The following ZNF385C variants were observed in gnomAD, a reference collection of about 807,000 sequenced individuals.
The protein encoded by ZNF385C is CTD-2132N18.2.
Under a neutral mutation model 35.4 loss-of-function variants are expected in ZNF385C, and 28 were observed. That is an observed-to-expected ratio of 0.79 (90% CI 0.59 to 1.08). ZNF385C has a LOEUF of 1.08. Ranked by LOEUF, ZNF385C falls within the 50% of genes least tolerant of loss-of-function variation. The pLI is 0.00. For synonymous variants in ZNF385C, 248 were observed against 248.2 expected (o/e 1.00, Z 0.01); for missense variants, 605 against 595.6 (o/e 1.02, Z -0.16).
intron 2 of ZNF385C, among the ~76,000 whole-genome samples, chr17:42,059,687 T>C (rs1383091699): frequency 1.3e-5 from 2 of 152,190 alleles, no homozygotes; most frequent in Non-Finnish European, 2.9e-5. Context: ...AGTGGTGCGA[T>C]CTCAGCTCAC....
chr17:42,092,738 T>C (rs1210391985), intron 1 of ZNF385C, among the ~76,000 whole-genome samples: 1 of 152,166 alleles, frequency 6.6e-6, no homozygotes, highest in Non-Finnish European at 1.5e-5. Flanking sequence ...TGGCATTTCC[T>C]CTCCTCTCAG....
intron 1 of ZNF385C, among the ~76,000 whole-genome samples, chr17:42,075,745 T>C (rs1182370330): frequency 6.6e-6 from 1 of 152,104 alleles, no homozygotes; most frequent in African/African-American, 2.4e-5. Context: ...CCACCTGCCT[T>C]GGCCTCTCAA....
At position 42,053,636 on chromosome 17, in the gene ZNF385C, C is replaced by T. The variant is rs551660623; in HGVS notation, c.250+9171G>A. Reference sequence around the variant, plus strand: ...CCAGCATTCCTACCCTTTCTTTCACCTTTGTTCTCGGCCAGAGTGGGGGCT... The same window carrying T: ...CCAGCATTCCTACCCTTTCTTTCACTTTTGTTCTCGGCCAGAGTGGGGGCT... On this transcript the variant is annotated intron_variant, in intron 2 of 8. Transcript: ENST00000692273. 3.9e-5 allele frequency among the ~76,000 whole-genome samples: 6 copies of T among 152,308 alleles called. No individual in the cohort carries two copies. In the South Asian group the frequency reaches 8.3e-4, roughly 21 times the overall value.
chr17:42,076,741 G>C (rs1300486900), intron 1 of ZNF385C, among the ~76,000 whole-genome samples: 1 of 152,224 alleles, frequency 6.6e-6, no homozygotes, highest in Non-Finnish European at 1.5e-5. Context: ...TGACTCCAAA[G>C]CATAGGGTGT....
chr17:42,028,497 G>C, intron 6 of ZNF385C: 1 of 584,226 alleles, frequency 1.7e-6, no homozygotes, highest in South Asian at 2.4e-5. Flanking sequence ...CTTTCCTTCT[G>C]GGTGTAATCT....
At chr17:42,091,386 C>T (rs577294718) in intron 1 of ZNF385C, among the ~76,000 whole-genome samples, 2 of 152,246 alleles carry the variant, frequency 1.3e-5, no homozygotes, top group Admixed American at 6.5e-5. Flanking sequence ...GCGGAGGCTG[C>T]GGTGAGCTGT....
intron 4 of ZNF385C, 77 bp downstream of exon 4, chr17:42,034,148 G>T: frequency 8.6e-7 from 1 of 1,163,314 alleles, no homozygotes; most frequent in Non-Finnish European, 1.3e-6. Flanking sequence ...CCTCCCAGAA[G>T]GACTCTGAAA....
intron 1 of ZNF385C, among the ~76,000 whole-genome samples, chr17:42,069,073 A>G (rs2053587758): frequency 6.6e-6 from 1 of 152,218 alleles, no homozygotes; most frequent in South Asian, 2.1e-4. Flanking sequence ...GGATTTCTAC[A>G]GGAAGCTGGT....
Position 42,028,036 on chromosome 17 carries a change from C to A in ZNF385C, c.1164+14G>T. The A allele has an allele frequency of 6.2e-7, 1 of 1,613,574 alleles. No individual in the cohort carries two copies. The highest frequency in any genetic ancestry group is 8.5e-7 in the Non-Finnish European group (1 of 1,179,718). On this transcript the variant is annotated intron_variant, in intron 7 of 8. Coordinates refer to ENST00000692273, the MANE Select transcript of ZNF385C (RefSeq NM_001392013.1). ...CCCTGGCTCCAACCCCAGTCACAGC[C>A]TCACTTCTCCCACCTGCTTCAGTTG...
At position 42,064,119 on chromosome 17, in the gene ZNF385C, CTTT is replaced by C. The variant is rs1555658292; in HGVS notation, c.-2-1064_-2-1062del. On this transcript the variant is annotated intron_variant, in intron 1 of 8. Transcript: ENST00000692273. ...ACACACACACACACACACACACACA[CTTT>C]CTGTCTCTTCGGGACCCTCAAGTGG... 9.4e-5 allele frequency among the ~76,000 whole-genome samples: 14 copies of C among 148,308 alleles called. No individual in the cohort carries two copies. The South Asian group carries it at 1.3e-3, about 14-fold the overall frequency.
chr17:42,080,508 C>G (rs1349779965), intron 1 of ZNF385C, among the ~76,000 whole-genome samples: 1 of 152,202 alleles, frequency 6.6e-6, no homozygotes, highest in Non-Finnish European at 1.5e-5. Context: ...CCATCCTAAC[C>G]TCACAAGGAT....
chr17:42,028,012 C>T (rs782286924), intron 7 of ZNF385C, 38 bp downstream of exon 7: 2 of 1,606,100 alleles, frequency 1.2e-6, no homozygotes, highest in Admixed American at 3.4e-5. Flanking sequence ...AACCCCCTCC[C>T]CTGGCTCCAA....
chr17:42,091,848 A>C (rs782251216), intron 1 of ZNF385C, among the ~76,000 whole-genome samples: 1 of 151,630 alleles, frequency 6.6e-6, no homozygotes, highest in Non-Finnish European at 1.5e-5. Context: ...CCCTATATTC[A>C]CCTCCCAGCC....
intron 1 of ZNF385C, among the ~76,000 whole-genome samples, chr17:42,063,603 T>C (rs1435033776): frequency 6.6e-6 from 1 of 151,986 alleles, no homozygotes; most frequent in Non-Finnish European, 1.5e-5. Context: ...GTGTCCGACA[T>C]GTCTACACAC....
chr17:42,028,822 T>A lies in ZNF385C; in HGVS notation c.928A>T (p.Thr310Ser), dbSNP rs1555654639. Reference protein sequence around the residue: ...GHLYCPTCKVTVNSASQLQAH... With the variant: ...GHLYCPTCKVSVNSASQLQAH... ...TGAAGCTGGGAGGCCGAGTTCACTG[T>A]CACCTTACACGTGGGGCAGTAGAGG... is the stretch of plus-strand genomic sequence containing the variant. Residue 310 changes from threonine (T) to serine (S), a missense_variant, in exon 6 of 9, where the codon ACA becomes TCA. By Grantham distance (58) the Thr-to-Ser change is moderately conservative (BLOSUM62 1). Coordinates refer to ENST00000692273, the MANE Select transcript of ZNF385C (RefSeq NM_001392013.1). The A allele has an allele frequency of 1.4e-5, 22 of 1,550,412 alleles. 2 individuals are homozygous for A. In the South Asian group the frequency reaches 2.6e-4, roughly 18 times the overall value.
At chr17:42,048,171 G>A (rs1555656802) in intron 2 of ZNF385C, among the ~76,000 whole-genome samples, 1 of 152,048 alleles carries the variant, frequency 6.6e-6, no homozygotes, top group Non-Finnish European at 1.5e-5. Flanking sequence ...AACCCAGCCT[G>A]GGCACCACAC....
chr17:42,027,673 G>A lies in ZNF385C; in HGVS notation c.1220C>T (p.Ser407Phe), dbSNP rs782794673. 17 of 1,611,794 alleles carry A rather than the reference G, an allele frequency of 1.1e-5. No homozygotes were observed. Among genetic ancestry groups the A allele is most frequent in the Middle Eastern group, 3.3e-4 (2 of 6,078 alleles). ...DRLAGKTPKP[S>F]SQHSKLQKHA... ...CTTCTGCAGCTTGCTGTGCTGGCTG[G>A]AGGGCTTGGGGGTCTTCCCGGCCAG... Residue 407 changes from serine to phenylalanine, a missense_variant, in exon 8 of 9, where the codon TCC becomes TTC. Transcript: ENST00000692273.
intron 2 of ZNF385C, chr17:42,041,140 G>T (rs1211006718): frequency 7.3e-6 from 9 of 1,232,216 alleles, no homozygotes; most frequent in Non-Finnish European, 9.1e-6. Context: ...ATATGGGGAT[G>T]CCTTCAGGCG....
intron 2 of ZNF385C, among the ~76,000 whole-genome samples, chr17:42,044,754 T>C (rs2053114462): frequency 6.6e-6 from 1 of 152,162 alleles, no homozygotes; most frequent in Non-Finnish European, 1.5e-5. Flanking sequence ...ATTGGTACTG[T>C]GGTTCTGGGA....
Sources: gnomAD v4.1 joint callset for allele counts (sites outside exome capture counted in the v4.1 genomes callset) on GRCh38, gnomAD v4.1.1 for gene constraint, MANE v1.5 for transcripts, NCBI Gene and HGNC (gene_info 2026-07-23, HGNC 2026-07-21) for gene names.